BBX: variants seen among roughly 807,000 people sequenced by gnomAD.
The protein encoded by BBX is BBX high mobility group box domain containing, also known as HMG box transcription factor BBX.
BBX carries 30 observed loss-of-function variants against 100.2 expected under a neutral mutation model. The ratio of observed to expected loss-of-function variants is 0.30; its 90% CI spans 0.22 to 0.41. The LOEUF (loss-of-function observed/expected upper bound fraction) is 0.41, where lower values mean the gene tolerates loss of function less well. BBX is among the 10% of genes least tolerant of loss of function. The pLI, the probability that BBX is intolerant of heterozygous loss-of-function variation, is 1.00. For missense variants in BBX, 1,023 were observed against 1,129.8 expected (o/e 0.91, Z 1.35); for synonymous variants, 376 against 388.1 (o/e 0.97, Z 0.37).
At chr3:107,596,899 G>C (rs927125823) in intron 2 of BBX, among the ~76,000 whole-genome samples, 2 of 152,124 alleles carry the variant, frequency 1.3e-5, no homozygotes, top group Admixed American at 1.3e-4. Context: ...TTGTTTGTTA[G>C]TTTTTTCACT....
chr3:107,581,432 A>G (rs1361206166), intron 2 of BBX, among the ~76,000 whole-genome samples: 1 of 151,240 alleles, frequency 6.6e-6, no homozygotes, highest in Non-Finnish European at 1.5e-5. Flanking sequence ...GTGATCTTTC[A>G]TTTGTGTCAT....
chr3:107,634,037 C>T (rs1251053206), intron 2 of BBX, among the ~76,000 whole-genome samples: 2 of 152,194 alleles, frequency 1.3e-5, no homozygotes, highest in Non-Finnish European at 2.9e-5. Context: ...CAATATGTCA[C>T]TTCACATGCT....
intron 6 of BBX, 139 bp from the exon 7 acceptor site, chr3:107,732,817 T>G: frequency 3.0e-6 from 2 of 661,290 alleles, no homozygotes; most frequent in South Asian, 2.1e-5. Context: ...GCATAAAGAG[T>G]TTTTAAAAGT....
chr3:107,737,685 T>A (rs1278572943), intron 7 of BBX, among the ~76,000 whole-genome samples: 1 of 152,146 alleles, frequency 6.6e-6, no homozygotes. Context: ...GTCTTAAGGT[T>A]CAAGTTTTTA....
chr3:107,696,030 T>C (rs910844327), intron 3 of BBX, among the ~76,000 whole-genome samples: 10 of 151,810 alleles, frequency 6.6e-5, no homozygotes, highest in African/African-American at 2.4e-4. Flanking sequence ...CCTGCCTTTT[T>C]TTGTCTTCCA....
intron 2 of BBX, among the ~76,000 whole-genome samples, chr3:107,546,480 T>G (rs908830536): frequency 6.6e-6 from 1 of 152,202 alleles, no homozygotes; most frequent in African/African-American, 2.4e-5. Context: ...TCAGTTGTTA[T>G]TATGTGCTTT....
chr3:107,574,926 C>T (rs2051658167), intron 2 of BBX, among the ~76,000 whole-genome samples: 1 of 152,066 alleles, frequency 6.6e-6, no homozygotes, highest in African/African-American at 2.4e-5. Flanking sequence ...GTTTGATACC[C>T]CAAGTATCTG....
At chr3:107,578,729 C>T (rs961159091) in intron 2 of BBX, among the ~76,000 whole-genome samples, 3 of 152,044 alleles carry the variant, frequency 2.0e-5, no homozygotes, top group African/African-American at 7.2e-5. Context: ...AAGGGAGGTG[C>T]CTCCTCCCTT....
chr3:107,718,180 ATTAT>A (rs2062242786), intron 5 of BBX, among the ~76,000 whole-genome samples: 2 of 148,144 alleles, frequency 1.4e-5, no homozygotes, highest in South Asian at 2.1e-4. Flanking sequence ...TATTACCATA[ATTAT>A]TAATTATATT....
chr3:107,741,212 A>T (rs1297619528), intron 7 of BBX, among the ~76,000 whole-genome samples: 1 of 152,002 alleles, frequency 6.6e-6, no homozygotes, highest in Non-Finnish European at 1.5e-5. Context: ...CATGATAACA[A>T]CCTAGCTTTC....
chr3:107,695,843 A>T (rs2060553631), intron 3 of BBX, among the ~76,000 whole-genome samples: 1 of 151,688 alleles, frequency 6.6e-6, no homozygotes, highest in South Asian at 2.1e-4. Context: ...GTCTCTTTGT[A>T]GGTCACTCAG....
At chr3:107,767,014 G>A (rs570272992) in intron 10 of BBX, among the ~76,000 whole-genome samples, 35 of 152,302 alleles carry the variant, frequency 2.3e-4, no homozygotes, top group African/African-American at 7.7e-4. Context: ...AGAACACATG[G>A]ACACAGGGAG....
In BBX at chr3:107,747,228, AGTGT is replaced by A. The variant is rs148845246; in HGVS notation, c.751-718_751-715del. Among the ~76,000 whole-genome samples the A allele has an allele frequency of 5.9e-3, 875 of 148,172 alleles. 11 individuals carry two copies. Among genetic ancestry groups the A allele is most frequent in the African/African-American group, 0.02 (807 of 40,204 alleles). On this transcript the variant is annotated intron_variant, in intron 8 of 17. Transcript: ENST00000325805. ...ATTCATTGTCACACACTAACGTGTG[AGTGT>A]GTGTGTGTGTGTGTGTGTTTGTGTT...
intron 5 of BBX, among the ~76,000 whole-genome samples, chr3:107,721,862 T>TA (rs892511526): frequency 1.3e-5 from 2 of 151,976 alleles, no homozygotes; most frequent in African/African-American, 4.8e-5. Context: ...AATAAGGAAA[T>TA]ATATGTACAA....
At chr3:107,712,759 C>T (rs748569401) in intron 4 of BBX, among the ~76,000 whole-genome samples, 4 of 152,146 alleles carry the variant, frequency 2.6e-5, no homozygotes, top group East Asian at 1.9e-4. Context: ...GCCAGTTGTG[C>T]GGCTCCTGTT....
At chr3:107,721,006 G>T (rs1456998456) in intron 5 of BBX, among the ~76,000 whole-genome samples, 1 of 152,030 alleles carries the variant, frequency 6.6e-6, no homozygotes. Context: ...TTGCAAGCAT[G>T]CTATATAGCA....
intron 2 of BBX, among the ~76,000 whole-genome samples, chr3:107,545,204 C>A (rs1576248051): frequency 6.6e-6 from 1 of 152,204 alleles, no homozygotes; most frequent in East Asian, 1.9e-4. Flanking sequence ...AATTTTCTGA[C>A]CTTTATTAAA....
chr3:107,797,429 A>G lies in BBX; in HGVS notation c.2354-1094A>G, dbSNP rs139987700. ...GGATTTAGTTTGCTTAGGGCTTGTT[A>G]TGTCTGACATTAGTTTTCTGACCCA... On this transcript the variant is annotated intron_variant, in intron 15 of 17. Coordinates refer to ENST00000325805, the MANE Select transcript of BBX (RefSeq NM_001142568.3). 3.0e-3 allele frequency among the ~76,000 whole-genome samples: 425 copies of G among 140,928 alleles called. 9 individuals are homozygous for G. The East Asian group carries it at 0.047, about 15-fold the overall frequency. The allele number at this position is 140,928 out of a possible 152,430, so 92.5% of individuals were successfully genotyped here.
rs150900496 is a variant in BBX, at chr3:107,683,425, A to G, written c.-9-27027A>G. Reference sequence around the variant, plus strand: ...GGAAGCATAGTTTTCTTTTTCAGGGAAAAGAAAATAGCTATTTTGCTAGAG... The same window carrying G: ...GGAAGCATAGTTTTCTTTTTCAGGGGAAAGAAAATAGCTATTTTGCTAGAG... On this transcript the variant is annotated intron_variant, in intron 3 of 17. Transcript: ENST00000325805. Among the ~76,000 whole-genome samples, 220 of 152,242 alleles carry G rather than the reference A, an allele frequency of 1.4e-3. 1 individual carries two copies. The highest frequency in any genetic ancestry group is 5.1e-3 in the African/African-American group (210 of 41,552).
Sources: gnomAD v4.1 joint callset for allele counts (sites outside exome capture counted in the v4.1 genomes callset) on GRCh38, gnomAD v4.1.1 for gene constraint, MANE v1.5 for transcripts, NCBI Gene and HGNC (gene_info 2026-07-23, HGNC 2026-07-21) for gene names.